Variants in MTMR4 observed in about 807,000 individuals in gnomAD.
The protein encoded by MTMR4 is phosphatidylinositol-3,5-bisphosphate 3-phosphatase MTMR4.
In MTMR4, 30 loss-of-function variants were observed where a neutral mutation model predicts 125.5. That is an observed-to-expected ratio of 0.24 (90% confidence interval 0.18 to 0.32). The LOEUF is 0.32. Ranked by LOEUF, MTMR4 falls within the 10% of genes least tolerant of loss-of-function variation. The pLI is 1.00. For synonymous variants in MTMR4, 498 were observed against 564.5 expected (o/e 0.88, Z 1.67); for missense variants, 1,039 against 1,511.5 (o/e 0.69, Z 5.18).
At chr17:58,516,907 G>C (rs910166652), upstream of MTMR4, among the ~76,000 whole-genome samples, 1 of 152,222 alleles carries the variant, frequency 6.6e-6, no homozygotes, top group Non-Finnish European at 1.5e-5. Flanking sequence ...ATTTCCAGAC[G>C]CAGAGGGAGA....
rs753994988 is a variant in MTMR4 at position 58,507,223 on chromosome 17, G to T, written c.804C>A (p.Ser268=). 2 of 1,614,176 alleles carry T rather than the reference G, an allele frequency of 1.2e-6. No individual in the cohort carries two copies. The highest frequency in any genetic ancestry group is 2.2e-5 in the South Asian group (2 of 91,080). Residue 268 remains serine (S), a synonymous_variant, in exon 8 of 18, where the codon TCC becomes TCA. Transcript: ENST00000682306. ...GGTCCAGGGCACAGGCTTTAGCAAT[G>T]GACGTGACCAGGTACTCATCATCAG... ...RNADDEYLVT[S]IAKACALDPG...
intron 7 of MTMR4, among the ~76,000 whole-genome samples, chr17:58,507,537 T>C (rs1377718960): frequency 6.6e-6 from 1 of 152,206 alleles, no homozygotes; most frequent in Non-Finnish European, 1.5e-5. Context: ...CAAGGTGACC[T>C]TGACTCATCA....
intron 15 of MTMR4, among the ~76,000 whole-genome samples, chr17:58,493,173 G>A (rs1347391029): frequency 1.3e-5 from 2 of 152,158 alleles, no homozygotes; most frequent in Non-Finnish European, 2.9e-5. Flanking sequence ...TAGTATTGTA[G>A]CTTCAGATTT....
At chr17:58,500,447 C>T (rs994545228) in intron 14 of MTMR4, among the ~76,000 whole-genome samples, 2 of 151,432 alleles carry the variant, frequency 1.3e-5, no homozygotes, top group Non-Finnish European at 2.9e-5. Context: ...ACATTCTTAT[C>T]TGCTTAGATG....
rs1445562791 is a variant in MTMR4, at chr17:58,498,536, GA to G, written c.1854-2207del. ...AGAAGGAGAAGGAGAAGCGGGGGAG[GA>G]GGGGGGAGGAGGGGGGAGGAGGGGG... On this transcript the variant is annotated intron_variant, in intron 14 of 17. Transcript: ENST00000682306. Among the ~76,000 whole-genome samples the G allele has an allele frequency of 3.6e-3, 330 of 91,492 alleles. 2 individuals carry two copies. The highest frequency in any genetic ancestry group is 8.5e-3 in the South Asian group (14 of 1,656). 60.0% of individuals were successfully genotyped at this position (91,492 alleles called of 152,430 possible). A position where few individuals can be genotyped will look rare whatever the true frequency, so the allele number is the denominator to read the frequency against.
upstream of MTMR4, among the ~76,000 whole-genome samples, chr17:58,519,006 T>G (rs964450580): frequency 3.3e-5 from 5 of 152,354 alleles, no homozygotes; most frequent in East Asian, 9.6e-4. Flanking sequence ...ATCTAGCAGA[T>G]GCTGTAAATT....
rs1048353991 is a variant in MTMR4, at chr17:58,505,051, C to T, written c.1146-77G>A. The T allele has an allele frequency of 3.6e-6, 5 of 1,400,050 alleles. No individual in the cohort carries two copies. In the South Asian group the frequency reaches 4.2e-5, roughly 12 times the overall value. 86.7% of individuals were successfully genotyped at this position (1,400,050 alleles called of 1,614,324 possible). A position where few individuals can be genotyped will look rare whatever the true frequency, so the allele number is the denominator to read the frequency against. ...AGTCTCTCCACCATCCACAGCCAGCCCCACCCAACAAAGTCCCCATTGAGA... is the reference window on the plus strand; with the variant it reads ...AGTCTCTCCACCATCCACAGCCAGCTCCACCCAACAAAGTCCCCATTGAGA... On this transcript the variant is annotated intron_variant, in intron 10 of 17. Coordinates refer to ENST00000682306, the MANE Select transcript of MTMR4 (RefSeq NM_001378067.1).
chr17:58,511,181 C>T (rs117923772), intron 4 of MTMR4: 6,092 of 383,986 alleles, frequency 0.016, 77 homozygotes, highest in Non-Finnish European at 0.022. Context: ...TGCTTTCATA[C>T]ACATACACAT....
intron 14 of MTMR4, among the ~76,000 whole-genome samples, chr17:58,496,680 C>T (rs1975476217): frequency 6.6e-6 from 1 of 152,210 alleles, no homozygotes; most frequent in Admixed American, 6.5e-5. Flanking sequence ...CCAGCTAGGA[C>T]TATACCTGAG....
intron 1 of MTMR4, among the ~76,000 whole-genome samples, chr17:58,513,479 A>G (rs1441586058): frequency 6.6e-6 from 1 of 152,122 alleles, no homozygotes; most frequent in African/African-American, 2.4e-5. Context: ...TTTCAAAAGG[A>G]AGACGTGTTT....
At chr17:58,499,683 G>A (rs913861817) in intron 14 of MTMR4, among the ~76,000 whole-genome samples, 1 of 150,450 alleles carries the variant, frequency 6.6e-6, no homozygotes, top group African/African-American at 2.5e-5. Context: ...GTGCAGTGGC[G>A]CGATCTCTGC....
intron 8 of MTMR4, 58 bp from the exon 9 acceptor site, chr17:58,506,929 C>G (rs1438097169): frequency 6.3e-7 from 1 of 1,584,536 alleles, no homozygotes. Flanking sequence ...CTCTTGCTGG[C>G]CCTCTGGCAC....
At chr17:58,498,156 G>A (rs1389081144) in intron 14 of MTMR4, among the ~76,000 whole-genome samples, 1 of 152,006 alleles carries the variant, frequency 6.6e-6, no homozygotes, top group Non-Finnish European at 1.5e-5. Context: ...GCTTGAACCT[G>A]GGAGGCAAGA....
chr17:58,517,099 G>A (rs11079354), upstream of MTMR4, among the ~76,000 whole-genome samples: 55,215 of 152,122 alleles, frequency 0.36, 10,393 homozygotes, highest in East Asian at 0.51. Flanking sequence ...GTTTACTGGG[G>A]GCAGAGTCCA....
chr17:58,490,430 AC>A lies in MTMR4; in HGVS notation c.*1232del, dbSNP rs1975287408. The A allele has an allele frequency of 1.3e-5, 2 of 152,694 alleles. No individual in the cohort carries two copies. Among genetic ancestry groups the A allele is most frequent in the Admixed American group, 1.3e-4 (2 of 15,286 alleles). 9.5% of individuals were successfully genotyped at this position (152,694 alleles called of 1,614,324 possible). On this transcript the variant is annotated 3_prime_UTR_variant, in exon 18 of 18. Coordinates refer to ENST00000682306, the MANE Select transcript of MTMR4 (RefSeq NM_001378067.1). ...AAAAAACAAAAACAAAAACAAAAAAACAAAATAAAATTTTTTAAAAACCAAC... is the reference window on the plus strand; with the variant it reads ...AAAAAACAAAAACAAAAACAAAAAAAAAAATAAAATTTTTTAAAAACCAAC...
chr17:58,495,729 A>T lies in MTMR4; in HGVS notation c.2455T>A (p.Cys819Ser). Residue 819 changes from cysteine (C) to serine (S), a missense_variant, in exon 15 of 18, where the codon TGT (cysteine) becomes AGT (serine). Physicochemically the swap from Cys to Ser is moderately radical, Grantham distance 112. This residue lies in a region of MTMR4 where 619 missense variants were observed against 714.5 expected (regional missense o/e 0.87). Transcript: ENST00000682306. ...PDSMLGVPSK[C>S]VLDHSLSTVC... ...GTGCTGAGGCTGTGATCAAGAACAC[A>T]CTTGGAGGGCACACCTAGCATGGAG... 1 of 1,614,094 alleles carries T rather than the reference A, an allele frequency of 6.2e-7. No homozygotes were observed. Among genetic ancestry groups the T allele is most frequent in the Non-Finnish European group, 8.5e-7 (1 of 1,180,024 alleles).
chr17:58,517,422 CT>C (rs993167235), upstream of MTMR4, among the ~76,000 whole-genome samples: 3 of 152,402 alleles, frequency 2.0e-5, no homozygotes, highest in Admixed American at 2.0e-4. Flanking sequence ...GGATAAAAGC[CT>C]CCATCTGTGG....
chr17:58,515,572 G>A (rs1976065704), upstream of MTMR4, among the ~76,000 whole-genome samples: 1 of 152,202 alleles, frequency 6.6e-6, no homozygotes, highest in Non-Finnish European at 1.5e-5. Flanking sequence ...TTACTCGTGA[G>A]ACTCAAGCTT....
intron 14 of MTMR4, among the ~76,000 whole-genome samples, chr17:58,499,882 G>T (rs563786125): frequency 6.7e-6 from 1 of 150,348 alleles, no homozygotes; most frequent in African/African-American, 2.5e-5. Flanking sequence ...CGCCCGCCTC[G>T]GCCTCCCAAA....
Sources: allele counts gnomAD v4.1 joint callset (sites outside exome capture counted in the v4.1 genomes callset), GRCh38; gene constraint gnomAD v4.1.1; regional missense constraint gnomAD v4.1.1; transcripts MANE v1.5; gene names NCBI Gene and HGNC (gene_info 2026-07-23, HGNC 2026-07-21).